MEF2A: variants seen among roughly 807,000 people sequenced by gnomAD.
MEF2A encodes the protein myocyte-specific enhancer factor 2A.
Under a neutral mutation model 55.8 loss-of-function variants are expected in MEF2A, and 28 were observed. That is an observed-to-expected ratio of 0.50 (90% CI 0.37 to 0.69). The LOEUF is 0.69. Ranked by LOEUF, MEF2A falls within the 30% of genes least tolerant of loss-of-function variation. MEF2A has a pLI of 0.00. For missense variants in MEF2A, 528 were observed against 626.2 expected (o/e 0.84, Z 1.67); for synonymous variants, 239 against 227.1 (o/e 1.05, Z -0.47).
At chr15:99,616,813 T>C (rs908004321) in intron 2 of MEF2A, among the ~76,000 whole-genome samples, 2 of 152,126 alleles carry the variant, frequency 1.3e-5, no homozygotes, top group African/African-American at 4.8e-5. Flanking sequence ...GGGTACACCA[T>C]TGAGAGCTGT....
intron 1 of MEF2A, among the ~76,000 whole-genome samples, chr15:99,579,984 G>A (rs1196108650): frequency 1.3e-5 from 2 of 151,958 alleles, no homozygotes; most frequent in Non-Finnish European, 2.9e-5. Context: ...CTCTTTATGT[G>A]GCCCTTTAAA....
intron 7 of MEF2A, among the ~76,000 whole-genome samples, chr15:99,680,930 A>AC (rs2053130067): frequency 6.6e-6 from 1 of 152,196 alleles, no homozygotes; most frequent in Non-Finnish European, 1.5e-5. Context: ...CTGTGCAAAT[A>AC]AAACTTGGCA....
In MEF2A at chr15:99,716,357, GTTGT is replaced by G. The variant is rs1260523426; in HGVS notation, c.*3589_*3592del. 30 of 355,916 alleles carry G rather than the reference GTTGT, an allele frequency of 8.4e-5. No individual in the cohort carries two copies. Among genetic ancestry groups the G allele is most frequent in the African/African-American group, 4.9e-4 (23 of 46,720 alleles). 22.0% of individuals were successfully genotyped at this position (355,916 alleles called of 1,614,324 possible). On this transcript the variant is annotated 3_prime_UTR_variant, in exon 12 of 12. Coordinates refer to ENST00000557942, the MANE Select transcript of MEF2A (RefSeq NM_001319206.4). ...TTAATCTCAATTTTTCCCTGAATGT[GTTGT>G]TTTTCTTCATTATACAATAAATATA...
chr15:99,707,160 C>T (rs1235068376), intron 10 of MEF2A, among the ~76,000 whole-genome samples: 1 of 152,142 alleles, frequency 6.6e-6, no homozygotes, highest in East Asian at 1.9e-4. Flanking sequence ...GGGGAGCAGC[C>T]TGTTGCTTGA....
At chr15:99,687,129 A>C (rs1260300383) in intron 7 of MEF2A, among the ~76,000 whole-genome samples, 1 of 100,816 alleles carries the variant, frequency 9.9e-6, no homozygotes, top group Non-Finnish European at 1.9e-5. Flanking sequence ...GGGTTTCACC[A>C]TGTTGCCCAG....
intron 7 of MEF2A, among the ~76,000 whole-genome samples, chr15:99,682,564 G>A (rs2053442259): frequency 6.6e-6 from 1 of 152,158 alleles, no homozygotes; most frequent in Admixed American, 6.5e-5. Context: ...ATATATCACT[G>A]CACTCTACAA....
At chr15:99,584,084 T>C (rs532094897) in intron 1 of MEF2A, among the ~76,000 whole-genome samples, 3 of 152,158 alleles carry the variant, frequency 2.0e-5, no homozygotes, top group African/African-American at 4.8e-5. Context: ...TCTAAACATA[T>C]CTAAACGTGG....
chr15:99,655,810 TATAGAG>T (rs932719846), intron 4 of MEF2A, among the ~76,000 whole-genome samples: 2 of 152,094 alleles, frequency 1.3e-5, no homozygotes, highest in African/African-American at 4.8e-5. Context: ...TATATATTAT[TATAGAG>T]AGAGAGAATT....
At chr15:99,624,508 G>A (rs2041760166) in intron 2 of MEF2A, among the ~76,000 whole-genome samples, 1 of 152,098 alleles carries the variant, frequency 6.6e-6, no homozygotes, top group African/African-American at 2.4e-5. Context: ...TTATTTGCGG[G>A]TTCTCTATTC....
At chr15:99,646,176 A>C (rs1347436682) in intron 4 of MEF2A, among the ~76,000 whole-genome samples, 1 of 152,140 alleles carries the variant, frequency 6.6e-6, no homozygotes, top group Admixed American at 6.5e-5. Context: ...TTATGTAAAT[A>C]ATATTTGCTT....
At chr15:99,572,290 C>T (rs1962665669) in intron 1 of MEF2A, among the ~76,000 whole-genome samples, 1 of 152,164 alleles carries the variant, frequency 6.6e-6, no homozygotes, top group Admixed American at 6.5e-5. Context: ...TTCTGTACTC[C>T]CTCCTTGGGA....
intron 7 of MEF2A, among the ~76,000 whole-genome samples, chr15:99,680,999 T>G (rs1291508312): frequency 6.6e-6 from 1 of 152,232 alleles, no homozygotes; most frequent in Non-Finnish European, 1.5e-5. Context: ...CTTATTTGTT[T>G]ATGATTTACT....
chr15:99,670,645 G>C (rs932763117), intron 4 of MEF2A, among the ~76,000 whole-genome samples: 3 of 151,916 alleles, frequency 2.0e-5, no homozygotes, highest in African/African-American at 7.2e-5. Context: ...CAGTTCTCCA[G>C]AAAGTCAAAT....
At chr15:99,566,919 C>T (rs573031826) in intron 1 of MEF2A, among the ~76,000 whole-genome samples, 1 of 152,346 alleles carries the variant, frequency 6.6e-6, no homozygotes, top group East Asian at 1.9e-4. Flanking sequence ...GGCTAGATCC[C>T]AGCTCGCAGA....
chr15:99,685,359 T>G (rs1261642229), intron 7 of MEF2A, among the ~76,000 whole-genome samples: 1 of 152,228 alleles, frequency 6.6e-6, no homozygotes, highest in Non-Finnish European at 1.5e-5. Flanking sequence ...TTGTGTCATC[T>G]GTGATTTCTT....
intron 2 of MEF2A, among the ~76,000 whole-genome samples, chr15:99,626,180 G>A (rs1185960195): frequency 6.6e-6 from 1 of 151,998 alleles, no homozygotes; most frequent in African/African-American, 2.4e-5. Context: ...ATTCAGTCTT[G>A]GTAGTTCTAG....
Position 99,712,251 on chromosome 15 carries a change from G to T in MEF2A, c.1137-139G>T, listed in dbSNP as rs571338927. Reference sequence around the variant, plus strand: ...TTTTGTGCCAAGCACTGAAGGAAACGACCCAAACCAGTCTTGGGGAACTCT... The same window carrying T: ...TTTTGTGCCAAGCACTGAAGGAAACTACCCAAACCAGTCTTGGGGAACTCT... On this transcript the variant is annotated intron_variant, in intron 11 of 11. Coordinates refer to ENST00000557942, the MANE Select transcript of MEF2A (RefSeq NM_001319206.4). The surrounding 1 kb of genome is among the most constrained non-coding windows in gnomAD (Gnocchi z 4.1). The T allele has an allele frequency of 1.4e-6, 2 of 1,392,214 alleles. No individual in the cohort carries two copies. Among genetic ancestry groups the T allele is most frequent in the Non-Finnish European group, 1.9e-6 (2 of 1,064,926 alleles). The allele number at this position is 1,392,214 out of a possible 1,614,324, so 86.2% of individuals were successfully genotyped here.
intron 2 of MEF2A, among the ~76,000 whole-genome samples, chr15:99,617,054 G>A (rs2040313082): frequency 6.6e-6 from 1 of 152,066 alleles, no homozygotes; most frequent in Non-Finnish European, 1.5e-5. Context: ...ATGTGATTAT[G>A]ATCTGTGTAT....
chr15:99,674,946 T>TA (rs1440057421), intron 6 of MEF2A, among the ~76,000 whole-genome samples: 1 of 152,188 alleles, frequency 6.6e-6, no homozygotes, highest in Non-Finnish European at 1.5e-5. Context: ...ATATGGGTGA[T>TA]AGACTACCTG....
Sources: allele counts gnomAD v4.1 joint callset (sites outside exome capture counted in the v4.1 genomes callset), GRCh38; gene constraint gnomAD v4.1.1; non-coding constraint Gnocchi (gnomAD v3.1); transcripts MANE v1.5; gene names NCBI Gene and HGNC (gene_info 2026-07-23, HGNC 2026-07-21).